LSM14B: variants seen among roughly 807,000 people sequenced by gnomAD.
The protein encoded by LSM14B is protein LSM14 homolog B.
A neutral mutation model predicts 42.1 loss-of-function variants in LSM14B; 8 were observed. The observed-to-expected ratio is 0.19, with a 90% confidence interval of 0.11 to 0.34. LSM14B has a LOEUF of 0.34. LSM14B is among the 10% of genes least tolerant of loss of function. LSM14B has a pLI of 1.00. For missense variants in LSM14B, 396 were observed against 513.1 expected, an observed-to-expected ratio of 0.77 and a Z score of 2.21; for synonymous variants, 219 against 209.7, an observed-to-expected ratio of 1.04 and a Z score of -0.38.
intron 6 of LSM14B, among the ~76,000 whole-genome samples, chr20:62,131,118 A>G (rs2056754652): frequency 6.6e-6 from 1 of 152,198 alleles, no homozygotes; most frequent in African/African-American, 2.4e-5. Context: ...TGAGGAATTA[A>G]TGAAGTGAGG....
Position 62,133,468 on chromosome 20 carries a change from A to C in LSM14B, c.*7A>C. On this transcript the variant is annotated 3_prime_UTR_variant, in exon 8 of 9. Coordinates refer to ENST00000279068, the MANE Select transcript of LSM14B (RefSeq NM_144703.3). ...CGGGACTGGCAGGGTGTGAGGGTGC[A>C]GCCAAAGGTGAGTGGATGAACCTTC... 6.2e-7 allele frequency: 1 copy of C among 1,610,038 alleles called. No individual in the cohort carries two copies. The highest frequency in any genetic ancestry group is 8.5e-7 in the Non-Finnish European group (1 of 1,178,708).
At chr20:62,132,874 C>T (rs2056805592) in intron 7 of LSM14B, among the ~76,000 whole-genome samples, 1 of 152,148 alleles carries the variant, frequency 6.6e-6, no homozygotes, top group African/African-American at 2.4e-5. Context: ...GCAGAAGCAT[C>T]ACATTCCAGG....
intron 7 of LSM14B, 54 bp downstream of exon 7, chr20:62,131,560 G>T: frequency 1.3e-6 from 2 of 1,597,782 alleles, no homozygotes; most frequent in South Asian, 2.2e-5. Flanking sequence ...GAAAGGACAG[G>T]GCTGAGGGCT....
chr20:62,126,239 CT>C, intron 2 of LSM14B, 64 bp from the exon 3 acceptor site: 1 of 1,610,978 alleles, frequency 6.2e-7, no homozygotes, highest in South Asian at 1.1e-5. Context: ...AACAAGCGCC[CT>C]GATGAAGGCG....
Position 62,130,026 on chromosome 20 carries a change from T to C in LSM14B, c.595+74T>C. 6 of 1,461,602 alleles carry C rather than the reference T, an allele frequency of 4.1e-6. No homozygotes were observed. The South Asian group carries it at 5.7e-5, about 14-fold the overall frequency. 90.5% of individuals were successfully genotyped at this position (1,461,602 alleles called of 1,614,324 possible). Reference sequence around the variant, plus strand: ...GCACACTACTTCCTGGGCTATTTTTTTTTTTTTAATTAAAAAAATACTACT... The same window carrying C: ...GCACACTACTTCCTGGGCTATTTTTCTTTTTTTAATTAAAAAAATACTACT... On this transcript the variant is annotated intron_variant, in intron 4 of 8. Coordinates refer to ENST00000279068, the MANE Select transcript of LSM14B (RefSeq NM_144703.3). This position sits in a 1 kb window ranked among gnomAD's most constrained non-coding sequence, Gnocchi z 4.1.
chr20:62,127,467 A>G (rs1310362949), intron 3 of LSM14B: 7 of 711,534 alleles, frequency 9.8e-6, no homozygotes, highest in East Asian at 8.1e-5. Flanking sequence ...ACGTGTTTGT[A>G]TGACAGAATC....
rs11477488 is a variant in LSM14B, at chr20:62,134,474, CTTTTT to C, written c.*338_*342del. ...TGAAAGCTGAATCCTTACTTTGTGA[CTTTTT>C]TTTTTTTTTTTAATGACAAGCTTTG... On this transcript the variant is annotated 3_prime_UTR_variant, in exon 9 of 9. Transcript: ENST00000279068. 8 of 200,120 alleles carry C rather than the reference CTTTTT, an allele frequency of 4.0e-5. No individual in the cohort carries two copies. Among genetic ancestry groups the C allele is most frequent in the South Asian group, 1.0e-4 (2 of 19,826 alleles). The allele number at this position is 200,120 out of a possible 1,614,324, so 12.4% of individuals were successfully genotyped here. A position where few individuals can be genotyped will look rare whatever the true frequency, so the allele number is the denominator to read the frequency against.
intron 3 of LSM14B, chr20:62,127,552 T>G (rs2056642346): frequency 1.4e-6 from 2 of 1,456,694 alleles, no homozygotes; most frequent in Non-Finnish European, 1.9e-6. Context: ...TTGTGTGCTT[T>G]CTTTTTGCTC....
At position 62,133,404 on chromosome 20, in the gene LSM14B, C is replaced by T. The variant is rs776027682; in HGVS notation, c.1101C>T (p.Gly367=). Residue 367 remains glycine, a synonymous_variant, in exon 8 of 9, where the codon GGC becomes GGT. Coordinates refer to ENST00000279068, the MANE Select transcript of LSM14B (RefSeq NM_144703.3). The part of the protein sequence containing the change: ...SSRGGFRGGR[G]NGTTRRNPTS... ...GGGGCGGATTCCGAGGAGGCAGGGG[C>T]AATGGGACCACCCGTCGCAACCCCA... 7 of 1,613,296 alleles carry T rather than the reference C, an allele frequency of 4.3e-6. No homozygotes were observed. In the South Asian group the frequency reaches 7.7e-5, roughly 18 times the overall value.
At chr20:62,126,167 C>T (rs961894513) in intron 2 of LSM14B, 137 bp from the exon 3 acceptor site, 29 of 1,330,236 alleles carry the variant, frequency 2.2e-5, no homozygotes, top group Middle Eastern at 2.4e-4. Flanking sequence ...AACTTGCACC[C>T]CAAGGGCTCC....
intron 7 of LSM14B, among the ~76,000 whole-genome samples, chr20:62,132,588 A>G (rs1300045195): frequency 1.3e-5 from 2 of 152,132 alleles, no homozygotes; most frequent in Non-Finnish European, 2.9e-5. Flanking sequence ...CCAACATGAC[A>G]AGAGAAGAGT....
intron 3 of LSM14B, among the ~76,000 whole-genome samples, chr20:62,128,746 A>C (rs2056677561): frequency 2.0e-5 from 3 of 152,246 alleles, no homozygotes; most frequent in African/African-American, 7.2e-5. Flanking sequence ...GACACTTTCC[A>C]GACCTCTATG....
intron 1 of LSM14B, among the ~76,000 whole-genome samples, chr20:62,123,812 C>T (rs528860230): frequency 1.3e-5 from 2 of 152,324 alleles, no homozygotes; most frequent in East Asian, 3.9e-4. Context: ...TGAAGCCCGT[C>T]TCCTGCGTGG....
chr20:62,128,061 C>T (rs1441113948), intron 3 of LSM14B: 2 of 543,164 alleles, frequency 3.7e-6, no homozygotes, highest in Non-Finnish European at 6.6e-6. Flanking sequence ...CCCCAAAGCA[C>T]CTGACATGCC....
intron 3 of LSM14B, chr20:62,128,992 T>C (rs761927744): frequency 2.3e-6 from 3 of 1,304,064 alleles, no homozygotes; most frequent in African/African-American, 3.0e-5. Context: ...TTAGAGTCCC[T>C]ACAGGTCCTG....
chr20:62,124,466 C>A (rs2056525233), intron 1 of LSM14B, 151 bp from the exon 2 acceptor site: 2 of 714,210 alleles, frequency 2.8e-6, no homozygotes, highest in Non-Finnish European at 4.5e-6. Context: ...AAAATCGGGG[C>A]ATTAAGTAGT....
At position 62,129,054 on chromosome 20, in the gene LSM14B, C is replaced by T. The variant is rs563980768; in HGVS notation, c.428-731C>T. 48 of 1,271,924 alleles carry T rather than the reference C, an allele frequency of 3.8e-5. No homozygotes were observed. In the Admixed American group the frequency reaches 1.1e-3, roughly 28 times the overall value. The allele number at this position is 1,271,924 out of a possible 1,614,324, so 78.8% of individuals were successfully genotyped here. A position where few individuals can be genotyped will look rare whatever the true frequency, so the allele number is the denominator to read the frequency against. On this transcript the variant is annotated intron_variant, in intron 3 of 8. Coordinates refer to ENST00000279068, the MANE Select transcript of LSM14B (RefSeq NM_144703.3). ...AGAGGTGGGTGGTGCTTCCCATTTT[C>T]CTCCTGATTCAGAGGGCCTGGTTTC...
rs2056749040 is a variant in LSM14B at position 62,130,929 on chromosome 20, AG to A, written c.835+239del. Among the ~76,000 whole-genome samples the A allele has an allele frequency of 6.6e-6, 1 of 152,182 alleles. No homozygotes were observed. The highest frequency in any genetic ancestry group is 2.4e-5 in the African/African-American group (1 of 41,450). The stretch of plus-strand genomic sequence containing the variant: ...CGTGGTGGTGGGCGCCTGTAATCCC[AG>A]CTACTCGGGAGACTGAGACAGGAGA... On this transcript the variant is annotated intron_variant, in intron 6 of 8. Transcript: ENST00000279068. The surrounding 1 kb of genome is among the most constrained non-coding windows in gnomAD (Gnocchi z 4.1).
In LSM14B at chr20:62,129,350, T is replaced by A. The variant is rs567925679; in HGVS notation, c.428-435T>A. ...CCAGGCTGGGCTGGTTCTTCTCCAG[T>A]GTGGACCAGAATGAAACAAATTCTC... On this transcript the variant is annotated intron_variant, in intron 3 of 8. Coordinates refer to ENST00000279068, the MANE Select transcript of LSM14B (RefSeq NM_144703.3). Among the ~76,000 whole-genome samples the A allele has an allele frequency of 1.6e-3, 242 of 152,350 alleles. 1 individual carries two copies. The highest frequency in any genetic ancestry group is 1.7e-3 in the Non-Finnish European group (116 of 68,018).
Sources: gnomAD v4.1 joint callset for allele counts (sites outside exome capture counted in the v4.1 genomes callset) on GRCh38, gnomAD v4.1.1 for gene constraint, Gnocchi (gnomAD v3.1) non-coding constraint, MANE v1.5 for transcripts, NCBI Gene and HGNC (gene_info 2026-07-23, HGNC 2026-07-21) for gene names.